PSD3: variants seen among roughly 807,000 people sequenced by gnomAD.
PSD3 encodes pleckstrin and Sec7 domain containing 3, also known as PH and SEC7 domain-containing protein 3.
Under a neutral mutation model 105.5 loss-of-function variants are expected in PSD3, and 49 were observed. That is an observed-to-expected ratio of 0.46 (90% confidence interval 0.37 to 0.59). The LOEUF (loss-of-function observed/expected upper bound fraction) is 0.59, where lower values mean the gene tolerates loss of function less well. Among genes scored for constraint, PSD3 ranks in the 20% least tolerant of loss-of-function variants. The probability of loss-of-function intolerance (pLI) is 0.00; values close to 1 mark genes in which losing one functional copy is unlikely to be tolerated. For missense variants in PSD3, 1,561 were observed against 1,263.8 expected (o/e 1.24, Z -3.57); for synonymous variants, 557 against 457.8 (o/e 1.22, Z -2.77).
chr8:18,609,613 G>C (rs1805106714), intron 11 of PSD3, among the ~76,000 whole-genome samples: 1 of 152,196 alleles, frequency 6.6e-6, no homozygotes, highest in African/African-American at 2.4e-5. Flanking sequence ...AAAGCATGAA[G>C]AAACAGGCTA....
intron 15 of PSD3, among the ~76,000 whole-genome samples, chr8:18,549,961 C>T (rs1382617748): frequency 1.3e-5 from 2 of 152,176 alleles, no homozygotes; most frequent in African/African-American, 4.8e-5. Context: ...AACTGAGGTT[C>T]AGAAAGGATA....
intron 1 of PSD3, among the ~76,000 whole-genome samples, chr8:19,005,049 C>A (rs574149881): frequency 1.3e-5 from 2 of 151,962 alleles, no homozygotes; most frequent in Non-Finnish European, 2.9e-5. Flanking sequence ...CCAATAAGCA[C>A]GTGAAAATAT....
intron 2 of PSD3, among the ~76,000 whole-genome samples, chr8:18,892,759 G>A (rs137945840): frequency 6.6e-6 from 1 of 151,658 alleles, no homozygotes; most frequent in African/African-American, 2.4e-5. Context: ...CAAGTAGCTG[G>A]GATTACAGGC....
intron 2 of PSD3, among the ~76,000 whole-genome samples, chr8:18,905,182 C>T (rs112513069): frequency 1.2e-3 from 187 of 152,214 alleles, no homozygotes; most frequent in Non-Finnish European, 2.2e-3. Flanking sequence ...AACTCAGCAT[C>T]CCCCCTAAGT....
chr8:19,070,919 G>A (rs1424000461), intron 1 of PSD3, among the ~76,000 whole-genome samples: 1 of 152,212 alleles, frequency 6.6e-6, no homozygotes, highest in East Asian at 1.9e-4. Context: ...CTTTTCTTTA[G>A]TTAGGCTAGG....
chr8:18,995,927 C>T (rs1231855408), intron 1 of PSD3, among the ~76,000 whole-genome samples: 1 of 151,922 alleles, frequency 6.6e-6, no homozygotes, highest in African/African-American at 2.4e-5. Context: ...GGTGGGGACA[C>T]AGCCAAACCA....
At chr8:18,614,981 C>T (rs575850940) in intron 11 of PSD3, among the ~76,000 whole-genome samples, 1 of 152,212 alleles carries the variant, frequency 6.6e-6, no homozygotes, top group East Asian at 1.9e-4. Context: ...TGCTGGAGAA[C>T]TTGCTGTTTT....
chr8:18,780,704 C>G (rs750184721), intron 8 of PSD3, among the ~76,000 whole-genome samples: 2 of 152,050 alleles, frequency 1.3e-5, no homozygotes, highest in Non-Finnish European at 2.9e-5. Context: ...CAGGTGCCTG[C>G]CACCAAGCCT....
intron 4 of PSD3, among the ~76,000 whole-genome samples, chr8:18,825,787 A>G (rs944339318): frequency 2.0e-5 from 3 of 152,232 alleles, no homozygotes; most frequent in Non-Finnish European, 4.4e-5. Flanking sequence ...TAGCAAAATC[A>G]GCACATCCCA....
intron 12 of PSD3, among the ~76,000 whole-genome samples, chr8:18,586,861 T>C (rs1238516434): frequency 6.6e-6 from 1 of 152,070 alleles, no homozygotes; most frequent in Admixed American, 6.6e-5. Flanking sequence ...GAGAAATGTA[T>C]ATGGGGTAGA....
At chr8:18,577,412 T>C (rs1365036808) in intron 12 of PSD3, among the ~76,000 whole-genome samples, 2 of 152,070 alleles carry the variant, frequency 1.3e-5, no homozygotes, top group African/African-American at 4.8e-5. Flanking sequence ...GTTTATTGAC[T>C]CGGTTCCTCT....
chr8:19,027,988 A>C (rs1338423967), intron 1 of PSD3, among the ~76,000 whole-genome samples: 1 of 152,200 alleles, frequency 6.6e-6, no homozygotes. Flanking sequence ...ATGCATGTTT[A>C]ACTTAACTTT....
intron 15 of PSD3, among the ~76,000 whole-genome samples, chr8:18,537,945 G>A (rs1257679768): frequency 6.6e-6 from 1 of 152,212 alleles, no homozygotes; most frequent in Non-Finnish European, 1.5e-5. Flanking sequence ...CCAAAGTGCT[G>A]GGATTACAGG....
At chr8:18,789,041 T>C (rs1809456096) in intron 8 of PSD3, among the ~76,000 whole-genome samples, 1 of 152,208 alleles carries the variant, frequency 6.6e-6, no homozygotes, top group Admixed American at 6.5e-5. Context: ...GCTCAACATT[T>C]AGGAATATCT....
intron 11 of PSD3, among the ~76,000 whole-genome samples, chr8:18,607,164 C>T (rs1027021584): frequency 1.3e-5 from 2 of 152,126 alleles, no homozygotes; most frequent in Non-Finnish European, 2.9e-5. Context: ...GGTACTTTCT[C>T]TAATCTCACT....
intron 1 of PSD3, among the ~76,000 whole-genome samples, chr8:18,937,982 T>G (rs1029945329): frequency 1.3e-5 from 2 of 152,080 alleles, no homozygotes; most frequent in Non-Finnish European, 2.9e-5. Context: ...AAAGCCAAAG[T>G]GGCCACAGAA....
At chr8:18,812,862 G>A (rs1225444391) in intron 4 of PSD3, among the ~76,000 whole-genome samples, 1 of 152,148 alleles carries the variant, frequency 6.6e-6, no homozygotes, top group South Asian at 2.1e-4. Flanking sequence ...TGATCCTGAT[G>A]CACTGTCAGA....
Position 18,804,746 on chromosome 8 carries a change from T to C in PSD3, c.1787A>G (p.Asp596Gly). The change falls in exon 5 of 16, where the codon GAC becomes GGC. Residue 596 changes from aspartate to glycine, a missense_variant. Transcript: ENST00000327040. ...KRLAKRLYQL[D>G]RFKRSDVAKH... ...TGCAACATCTGATCTTTTGAATCTG[T>C]CCAGCTGATAAAGGCGTTTGGCCAA... The C allele has an allele frequency of 5.0e-6, 8 of 1,614,140 alleles. No individual in the cohort carries two copies. The highest frequency in any genetic ancestry group is 6.8e-6 in the Non-Finnish European group (8 of 1,179,992).
chr8:18,686,946 T>G (rs1800692911), intron 9 of PSD3, among the ~76,000 whole-genome samples: 1 of 152,166 alleles, frequency 6.6e-6, no homozygotes, highest in African/African-American at 2.4e-5. Flanking sequence ...CCATCCTTCC[T>G]TAAACAGCAG....
Sources: gnomAD v4.1 joint callset for allele counts (sites outside exome capture counted in the v4.1 genomes callset) on GRCh38, gnomAD v4.1.1 for gene constraint, MANE v1.5 for transcripts, NCBI Gene and HGNC (gene_info 2026-07-23, HGNC 2026-07-21) for gene names.